The following RFX3 variants were observed in gnomAD, a reference collection of about 807,000 sequenced individuals.
RFX3 encodes the protein regulatory factor X3, also known as transcription factor RFX3.
In RFX3, 14 loss-of-function variants were observed where a neutral mutation model predicts 98.6. The ratio of observed to expected loss-of-function variants is 0.14; its 90% confidence interval spans 0.09 to 0.22. The LOEUF (loss-of-function observed/expected upper bound fraction) is 0.22. Among genes scored for constraint, RFX3 ranks in the 10% least tolerant of loss-of-function variants. RFX3 has a pLI of 1.00. For missense variants in RFX3, 639 were observed against 926.9 expected, an observed-to-expected ratio of 0.69 and a Z score of 4.03; for synonymous variants, 383 against 328.4, an observed-to-expected ratio of 1.17 and a Z score of -1.80.
chr9:3,342,465 G>C (rs1022616410), intron 3 of RFX3, among the ~76,000 whole-genome samples: 5 of 152,140 alleles, frequency 3.3e-5, no homozygotes, highest in African/African-American at 1.2e-4. Context: ...GCATACTTTT[G>C]CATTTTAAAA....
chr9:3,314,335 C>A, intron 4 of RFX3, among the ~76,000 whole-genome samples: 1 of 152,138 alleles, frequency 6.6e-6, no homozygotes. Context: ...GAGACTTTGT[C>A]ACCACCAGGC....
intron 15 of RFX3, among the ~76,000 whole-genome samples, chr9:3,242,724 A>G (rs1350829736): frequency 1.3e-5 from 2 of 152,128 alleles, no homozygotes; most frequent in African/African-American, 4.8e-5. Context: ...AAAAAAATTA[A>G]CTGAGTATAT....
intron 1 of RFX3, among the ~76,000 whole-genome samples, chr9:3,456,646 C>A (rs1847176109): frequency 6.6e-6 from 1 of 152,144 alleles, no homozygotes; most frequent in Non-Finnish European, 1.5e-5. Context: ...TTACTTGGCC[C>A]AATAACCTAA....
At chr9:3,438,342 T>C (rs2132647535) in intron 1 of RFX3, among the ~76,000 whole-genome samples, 2 of 152,212 alleles carry the variant, frequency 1.3e-5, no homozygotes. Flanking sequence ...TTGAAGAACT[T>C]GATACAGTAA....
chr9:3,467,632 G>A (rs1299665430), intron 1 of RFX3, among the ~76,000 whole-genome samples: 1 of 151,948 alleles, frequency 6.6e-6, no homozygotes, highest in Non-Finnish European at 1.5e-5. Flanking sequence ...TATAAATCAA[G>A]ACATCCAACA....
chr9:3,234,937 G>C (rs957097957), intron 15 of RFX3, among the ~76,000 whole-genome samples: 2 of 152,204 alleles, frequency 1.3e-5, no homozygotes, highest in African/African-American at 2.4e-5. Context: ...ACTGATGAAG[G>C]TCACAAGGGA....
intron 1 of RFX3, among the ~76,000 whole-genome samples, chr9:3,459,742 T>C (rs1847520318): frequency 6.6e-6 from 1 of 152,114 alleles, no homozygotes; most frequent in South Asian, 2.1e-4. Context: ...TCGTGAATTA[T>C]CACTTCAGCC....
Position 3,275,548 on chromosome 9 carries a change from G to A in RFX3, c.1038C>T (p.Thr346=). 6.2e-7 allele frequency: 1 copy of A among 1,612,634 alleles called. No homozygotes were observed. The highest frequency in any genetic ancestry group is 8.5e-7 in the Non-Finnish European group (1 of 1,178,850). The change falls in exon 9 of 17, where the codon ACC becomes ACT. Residue 346 remains threonine (T), a synonymous_variant. Coordinates refer to ENST00000617270, the MANE Select transcript of RFX3 (RefSeq NM_001282116.2). ...TCTGCAGTGACTTGATATCCTCAAA[G>A]GTAGTACCATCTGGCAGAGAAGAGA... The part of the protein sequence containing the change: ...VEISSLPDGT[T]FEDIKSLQSL...
chr9:3,372,246 G>C (rs546537886), intron 2 of RFX3, among the ~76,000 whole-genome samples: 6 of 152,130 alleles, frequency 3.9e-5, no homozygotes, highest in African/African-American at 1.4e-4. Context: ...AACACCAGAG[G>C]CTTCCTCATC....
intron 2 of RFX3, among the ~76,000 whole-genome samples, chr9:3,389,996 T>A (rs1442676554): frequency 6.6e-6 from 1 of 152,128 alleles, no homozygotes; most frequent in Non-Finnish European, 1.5e-5. Flanking sequence ...AAACAAAAAA[T>A]CATAAAAACA....
intron 1 of RFX3, among the ~76,000 whole-genome samples, chr9:3,496,218 A>C (rs1770870296): frequency 1.3e-5 from 2 of 152,006 alleles, no homozygotes; most frequent in South Asian, 4.1e-4. Context: ...TAAAATAACT[A>C]AACTTGTTCT....
intron 1 of RFX3, among the ~76,000 whole-genome samples, chr9:3,472,296 T>C (rs1848847304): frequency 6.6e-6 from 1 of 152,096 alleles, no homozygotes; most frequent in African/African-American, 2.4e-5. Flanking sequence ...ACAGCTCAAA[T>C]CCTAGCTCCA....
intron 14 of RFX3, among the ~76,000 whole-genome samples, chr9:3,252,409 A>G (rs1821536987): frequency 1.3e-5 from 2 of 150,286 alleles, no homozygotes; most frequent in South Asian, 4.1e-4. Flanking sequence ...GAGATTGGAG[A>G]GTGATGAGGG....
At chr9:3,501,356 T>C (rs1815978636) in intron 1 of RFX3, among the ~76,000 whole-genome samples, 1 of 152,062 alleles carries the variant, frequency 6.6e-6, no homozygotes, top group Non-Finnish European at 1.5e-5. Flanking sequence ...AGAACTTGAC[T>C]TACAGGTTAG....
chr9:3,485,153 A>T (rs1364355561), intron 1 of RFX3, among the ~76,000 whole-genome samples: 1 of 152,112 alleles, frequency 6.6e-6, no homozygotes, highest in Non-Finnish European at 1.5e-5. Context: ...CAAAAAATAA[A>T]AATAAAAAAC....
At chr9:3,313,833 A>G (rs1334059154) in intron 4 of RFX3, among the ~76,000 whole-genome samples, 2 of 152,200 alleles carry the variant, frequency 1.3e-5, no homozygotes, top group Non-Finnish European at 2.9e-5. Context: ...AAACAGAGTA[A>G]AAAGAAACGA....
chr9:3,329,978 T>C (rs1475334559), intron 4 of RFX3, among the ~76,000 whole-genome samples: 1 of 152,216 alleles, frequency 6.6e-6, no homozygotes, highest in Non-Finnish European at 1.5e-5. Context: ...ATTTTACTGA[T>C]GGAAGACAGC....
chr9:3,496,225 T>C (rs1359950863), intron 1 of RFX3, among the ~76,000 whole-genome samples: 2 of 152,122 alleles, frequency 1.3e-5, no homozygotes, highest in Admixed American at 6.5e-5. Context: ...ACTAAACTTG[T>C]TCTGTTAATG....
At chr9:3,232,099 A>G (rs1243939032) in intron 15 of RFX3, among the ~76,000 whole-genome samples, 1 of 152,068 alleles carries the variant, frequency 6.6e-6, no homozygotes, top group Non-Finnish European at 1.5e-5. Context: ...AAGAGGAGGA[A>G]GCAGTAAAAG....
Sources: allele counts gnomAD v4.1 joint callset (sites outside exome capture counted in the v4.1 genomes callset), GRCh38; gene constraint gnomAD v4.1.1; transcripts MANE v1.5; gene names NCBI Gene and HGNC (gene_info 2026-07-23, HGNC 2026-07-21).